The following KCNQ2 variants were observed in gnomAD, a reference collection of about 807,000 sequenced individuals.
KCNQ2 encodes the protein potassium voltage-gated channel subfamily KQT member 2.
Under a neutral mutation model 84.8 loss-of-function variants are expected in KCNQ2, and 14 were observed. The observed-to-expected ratio is 0.17, with a 90% CI of 0.11 to 0.26. The LOEUF is 0.26. KCNQ2 is among the 10% of genes least tolerant of loss of function. The pLI, the probability that KCNQ2 is intolerant of heterozygous loss-of-function variation, is 1.00. For missense variants in KCNQ2, 788 were observed against 1,254.0 expected (o/e 0.63, Z 5.61); for synonymous variants, 599 against 554.1 (o/e 1.08, Z -1.14).
chr20:63,428,122 A>C (rs2080685160), intron 10 of KCNQ2, among the ~76,000 whole-genome samples: 1 of 151,942 alleles, frequency 6.6e-6, no homozygotes, highest in Admixed American at 6.5e-5. Flanking sequence ...CCCCGGCCCC[A>C]TATCAACCTT....
chr20:63,437,698 G>A (rs2081046036), intron 7 of KCNQ2, among the ~76,000 whole-genome samples: 1 of 152,258 alleles, frequency 6.6e-6, no homozygotes, highest in African/African-American at 2.4e-5. Context: ...AGAGCCTATA[G>A]CCACATTCCG....
Position 63,408,593 on chromosome 20 carries a change from C to A in KCNQ2, c.1764-57G>T. Reference sequence around the variant, plus strand: ...TCGGGTGGGTGCAGCAGGGCCCCTGCCCTCTCCTCCTGGACCAGGCCACAG... The same window carrying A: ...TCGGGTGGGTGCAGCAGGGCCCCTGACCTCTCCTCCTGGACCAGGCCACAG... On this transcript the variant is annotated intron_variant, in intron 15 of 16. Transcript: ENST00000359125. This position sits in a 1 kb window ranked among gnomAD's most constrained non-coding sequence, Gnocchi z 5.0. The A allele has an allele frequency of 6.9e-6, 11 of 1,593,544 alleles. No individual in the cohort carries two copies. The highest frequency in any genetic ancestry group is 9.4e-6 in the Non-Finnish European group (11 of 1,172,964).
At chr20:63,453,209 C>A (rs554143490) in intron 1 of KCNQ2, among the ~76,000 whole-genome samples, 1 of 152,360 alleles carries the variant, frequency 6.6e-6, no homozygotes, top group South Asian at 2.1e-4. Flanking sequence ...CACAGGCCCA[C>A]GGCTTCCAGC....
Position 63,411,632 on chromosome 20 carries a change from T to C in KCNQ2, c.1763+1818A>G, listed in dbSNP as rs1381644140. ...TGGTGGAGGAAGGGCCTTCTCCCTC[T>C]TGTGGCTTTTTCAGGAACAGAGAAA... On this transcript the variant is annotated intron_variant, in intron 15 of 16. Coordinates refer to ENST00000359125, the MANE Select transcript of KCNQ2 (RefSeq NM_172107.4). 2.3e-5 allele frequency: 11 copies of C among 468,574 alleles called. No homozygotes were observed. In the Admixed American group the frequency reaches 4.0e-4, roughly 17 times the overall value. 29.0% of individuals were successfully genotyped at this position (468,574 alleles called of 1,614,324 possible). A position where few individuals can be genotyped will look rare whatever the true frequency, so the allele number is the denominator to read the frequency against.
chr20:63,446,721 A>T lies in KCNQ2; in HGVS notation c.387+26T>A. 6.3e-7 allele frequency: 1 copy of T among 1,596,968 alleles called. No homozygotes were observed. Among genetic ancestry groups the T allele is most frequent in the Non-Finnish European group, 8.6e-7 (1 of 1,165,052 alleles). On this transcript the variant is annotated intron_variant, in intron 2 of 16. Coordinates refer to ENST00000359125, the MANE Select transcript of KCNQ2 (RefSeq NM_172107.4). The surrounding 1 kb of genome is among the most constrained non-coding windows in gnomAD (Gnocchi z 5.5). ...CTCCAGCTCCTTCCTGGGCACTTCC[A>T]GCCCCCGCCCTCCCTCGGGGCTCAC...
rs935852502 is a variant in KCNQ2, at chr20:63,459,216, G to A, written c.297-12379C>T. 1.4e-3 allele frequency: 219 copies of A among 152,376 alleles called. 1 individual carries two copies. The highest frequency in any genetic ancestry group is 5.1e-4 in the Non-Finnish European group (35 of 68,078). The allele number at this position is 152,376 out of a possible 1,614,324, so 9.4% of individuals were successfully genotyped here. A position where few individuals can be genotyped will look rare whatever the true frequency, so the allele number is the denominator to read the frequency against. ...ACCACGATGACAACTCCACTTACAC[G>A]AAACATCCGAAGCAAACAGGCCAGG... On this transcript the variant is annotated intron_variant, in intron 1 of 16. Transcript: ENST00000359125.
At chr20:63,417,061 A>G (rs2080321166) in intron 12 of KCNQ2, among the ~76,000 whole-genome samples, 1 of 152,126 alleles carries the variant, frequency 6.6e-6, no homozygotes, top group Admixed American at 6.5e-5. Flanking sequence ...CCGATGGTAC[A>G]GGCTCGCTCA....
At chr20:63,462,408 C>A (rs1343704089) in intron 1 of KCNQ2, among the ~76,000 whole-genome samples, 1 of 151,736 alleles carries the variant, frequency 6.6e-6, no homozygotes, top group Non-Finnish European at 1.5e-5. Context: ...AATGCACCTA[C>A]CCCAGGGAGC....
intron 1 of KCNQ2, among the ~76,000 whole-genome samples, chr20:63,455,307 C>T (rs1015649744): frequency 6.6e-6 from 1 of 152,210 alleles, no homozygotes; most frequent in African/African-American, 2.4e-5. Context: ...GGTCCCCAGC[C>T]CCAGATTCAG....
intron 11 of KCNQ2, among the ~76,000 whole-genome samples, chr20:63,420,844 G>A (rs887088377): frequency 2.0e-5 from 3 of 152,140 alleles, no homozygotes; most frequent in South Asian, 2.1e-4. Flanking sequence ...CCCCAGGCAC[G>A]AAGGGATGTA....
chr20:63,412,113 T>G lies in KCNQ2; in HGVS notation c.1763+1337A>C, dbSNP rs370848756. The G allele has an allele frequency of 1.8e-3, 944 of 510,286 alleles. 20 individuals are homozygous for G. The highest frequency in any genetic ancestry group is 0.018 in the South Asian group (857 of 46,520). The allele number at this position is 510,286 out of a possible 1,614,324, so 31.6% of individuals were successfully genotyped here. A position where few individuals can be genotyped will look rare whatever the true frequency, so the allele number is the denominator to read the frequency against. On this transcript the variant is annotated intron_variant, in intron 15 of 16. Coordinates refer to ENST00000359125, the MANE Select transcript of KCNQ2 (RefSeq NM_172107.4). ...GGGAGCGGGTGGCGGGCGGCCCCAC[T>G]GCGGAGACCCGGGTGCCACGTCCCA...
chr20:63,434,745 C>T (rs1311057514), intron 7 of KCNQ2: 1 of 152,266 alleles, frequency 6.6e-6, no homozygotes, highest in Non-Finnish European at 1.5e-5. Context: ...GTGACGTCCC[C>T]GCGGCCCATC....
intron 1 of KCNQ2, among the ~76,000 whole-genome samples, chr20:63,461,883 G>A (rs1219900493): frequency 4.1e-4 from 57 of 138,588 alleles, no homozygotes; most frequent in Middle Eastern, 4.6e-3. Flanking sequence ...GCAGCAGGGA[G>A]GAGGCTGCAC....
chr20:63,431,786 C>T (rs1472434094), intron 8 of KCNQ2, among the ~76,000 whole-genome samples: 3 of 152,204 alleles, frequency 2.0e-5, no homozygotes, highest in Non-Finnish European at 4.4e-5. Flanking sequence ...AACTCAGGAT[C>T]CTCAAGAAGA....
chr20:63,456,689 C>T (rs2081807771), intron 1 of KCNQ2, among the ~76,000 whole-genome samples: 2 of 152,136 alleles, frequency 1.3e-5, no homozygotes, highest in Non-Finnish European at 2.9e-5. Flanking sequence ...ATTTCACAGT[C>T]GGGAAAACAG....
At position 63,446,397 on chromosome 20, in the gene KCNQ2, C is replaced by T. The variant is rs890107185; in HGVS notation, c.387+350G>A. Among the ~76,000 whole-genome samples, 2 of 152,220 alleles carry T rather than the reference C, an allele frequency of 1.3e-5. No individual in the cohort carries two copies. The highest frequency in any genetic ancestry group is 2.4e-5 in the African/African-American group (1 of 41,454). ...GTCACAGCCCCCACCCCGACGCCCA[C>T]GTCTGCCGTCTGCTGGGGACGCCCC... On this transcript the variant is annotated intron_variant, in intron 2 of 16. Transcript: ENST00000359125. This position sits in a 1 kb window ranked among gnomAD's most constrained non-coding sequence, Gnocchi z 5.5.
At chr20:63,424,093 A>G in intron 11 of KCNQ2, 84 bp downstream of exon 11, 1 of 1,455,650 alleles carries the variant, frequency 6.9e-7, no homozygotes, top group Non-Finnish European at 9.4e-7. Flanking sequence ...TCACATCTCC[A>G]TGACAGGTTG....
Position 63,402,099 on chromosome 20 carries a change from G to C in KCNQ2, c.*4545C>G. ...TCCATGGCAGGTCCAAGCCCTGTGA[G>C]CCGTCCCTCTCACACCACGTCTGCT... On this transcript the variant is annotated 3_prime_UTR_variant, in exon 17 of 17. Coordinates refer to ENST00000359125, the MANE Select transcript of KCNQ2 (RefSeq NM_172107.4). The C allele has an allele frequency of 7.2e-6, 1 of 139,640 alleles. No individual in the cohort carries two copies. Among genetic ancestry groups the C allele is most frequent in the Non-Finnish European group, 1.4e-5 (1 of 69,400 alleles). The allele number at this position is 139,640 out of a possible 1,614,324, so 8.7% of individuals were successfully genotyped here. A position where few individuals can be genotyped will look rare whatever the true frequency, so the allele number is the denominator to read the frequency against.
chr20:63,442,960 C>G (rs2081256341), intron 4 of KCNQ2, among the ~76,000 whole-genome samples: 1 of 100,354 alleles, frequency 1.0e-5, no homozygotes, highest in Non-Finnish European at 2.1e-5. Context: ...TCATCACCAT[C>G]ACCACCACCA....
Sources: allele counts gnomAD v4.1 joint callset (sites outside exome capture counted in the v4.1 genomes callset), GRCh38; gene constraint gnomAD v4.1.1; non-coding constraint Gnocchi (gnomAD v3.1); transcripts MANE v1.5; gene names NCBI Gene and HGNC (gene_info 2026-07-23, HGNC 2026-07-21).